The following C5orf34 variants were observed in gnomAD, a reference collection of about 807,000 sequenced individuals.
C5orf34 encodes the protein uncharacterized protein C5orf34.
A neutral mutation model predicts 78.4 loss-of-function variants in C5orf34; 73 were observed. The observed-to-expected ratio is 0.93, with a 90% CI of 0.77 to 1.13. C5orf34 has a LOEUF of 1.13. Among genes scored for constraint, C5orf34 ranks in the 50% most tolerant of loss-of-function variants. The pLI, the probability that C5orf34 is intolerant of heterozygous loss-of-function variation, is 0.00. For missense variants in C5orf34, 730 were observed against 732.7 expected (o/e 1.00, Z 0.04); for synonymous variants, 251 against 246.6 (o/e 1.02, Z -0.17).
chr5:43,509,750 TTTTTG>T (rs1259014330), intron 1 of C5orf34, among the ~76,000 whole-genome samples: 1 of 152,000 alleles, frequency 6.6e-6, no homozygotes, highest in East Asian at 1.9e-4. Context: ...ATCTAATTTC[TTTTTG>T]TTTTTTTTGT....
chr5:43,488,699 T>C (rs930132887), intron 11 of C5orf34, among the ~76,000 whole-genome samples: 1 of 152,072 alleles, frequency 6.6e-6, no homozygotes. Flanking sequence ...GGACAACTGG[T>C]ATGGAGTAGA....
chr5:43,506,355 G>A lies in C5orf34; in HGVS notation c.325C>T (p.Leu109Phe), dbSNP rs1327670398. 1.2e-6 allele frequency: 2 copies of A among 1,611,966 alleles called. No individual in the cohort carries two copies. The highest frequency in any genetic ancestry group is 8.5e-7 in the Non-Finnish European group (1 of 1,179,138). ...IDITEVRWPS[L>F]DTDGTMIYME... is the part of the protein sequence containing the mutation. ...TATATCATGGTACCATCTGTATCAA[G>A]ACTGGGCCATCTCACTTCTGTTATG... The change falls in exon 4 of 13, where the codon CTT (leucine) becomes TTT (phenylalanine). Residue 109 changes from leucine to phenylalanine, a missense_variant. Coordinates refer to ENST00000306862, the MANE Select transcript of C5orf34 (RefSeq NM_198566.4).
chr5:43,491,754 A>C (rs1745289329), intron 10 of C5orf34, among the ~76,000 whole-genome samples: 1 of 152,212 alleles, frequency 6.6e-6, no homozygotes, highest in African/African-American at 2.4e-5. Context: ...CTGTAATCTC[A>C]GCACTTTGGG....
At position 43,487,105 on chromosome 5, in the gene C5orf34, A is replaced by G; in HGVS notation, c.1727T>C (p.Leu576Pro). 6.6e-7 allele frequency: 1 copy of G among 1,507,764 alleles called. No homozygotes were observed. The highest frequency in any genetic ancestry group is 8.9e-7 in the Non-Finnish European group (1 of 1,126,926). The allele number at this position is 1,507,764 out of a possible 1,614,324, so 93.4% of individuals were successfully genotyped here. A position where few individuals can be genotyped will look rare whatever the true frequency, so the allele number is the denominator to read the frequency against. Residue 576 changes from leucine (L) to proline (P), a missense_variant, in exon 13 of 13, where the codon CTA becomes CCA. Physicochemically the swap from Leu to Pro is moderately conservative, Grantham distance 98. Transcript: ENST00000306862. The part of the protein sequence containing the change: ...LEKIQKFNLL[L>P]ENSGILNQIS... ...CTGGTTTAGGATACCACTATTTTCT[A>G]GTAGCACTAAGTTGCTTAGTTAAGG...
At position 43,509,532 on chromosome 5, in the gene C5orf34, C is replaced by T. The variant is rs147639715; in HGVS notation, c.-36-157G>A. On this transcript the variant is annotated intron_variant, in intron 1 of 12. Coordinates refer to ENST00000306862, the MANE Select transcript of C5orf34 (RefSeq NM_198566.4). ...CACTGGATAAATCTGAAATGAACAT[C>T]CTTAACAAAATGCCTTAATTAACCC... 6.2e-3 allele frequency among the ~76,000 whole-genome samples: 939 copies of T among 152,274 alleles called. 7 individuals carry two copies. The highest frequency in any genetic ancestry group is 0.011 in the Admixed American group (166 of 15,290).
At position 43,492,696 on chromosome 5, in the gene C5orf34, G is replaced by T. The variant is rs145605810; in HGVS notation, c.1485+24C>A. The T allele has an allele frequency of 8.9e-4, 1,407 of 1,582,456 alleles. 12 individuals carry two copies. The African/African-American group carries it at 0.016, about 18-fold the overall frequency. ...TTCCACAGATTACCAATAAAAAATAGATCTAAGTCTGAAGTATACCCACCT... is the reference window on the plus strand; with the variant it reads ...TTCCACAGATTACCAATAAAAAATATATCTAAGTCTGAAGTATACCCACCT... On this transcript the variant is annotated intron_variant, in intron 9 of 12. Transcript: ENST00000306862.
Position 43,490,700 on chromosome 5 carries a change from C to A in C5orf34, c.1610G>T (p.Arg537Met). Residue 537 changes from arginine (R) to methionine (M), a missense_variant, in exon 11 of 13, where the codon AGG becomes ATG. By Grantham distance (91) the Arg-to-Met change is moderately conservative (BLOSUM62 -1). Transcript: ENST00000306862. ...RYVTTVTSWC[R>M]RLTQTSPREM... ...TCTGGGACTAGTCTGGGTCAGTCTC[C>A]TGCACCATGATGTTACTGTTGTCAC... 6.2e-7 allele frequency: 1 copy of A among 1,607,672 alleles called. No individual in the cohort carries two copies. Among genetic ancestry groups the A allele is most frequent in the Non-Finnish European group, 8.5e-7 (1 of 1,174,766 alleles).
At chr5:43,511,701 T>C (rs1379665517) in intron 1 of C5orf34, among the ~76,000 whole-genome samples, 1 of 152,190 alleles carries the variant, frequency 6.6e-6, no homozygotes, top group Non-Finnish European at 1.5e-5. Context: ...TACTTCTGCC[T>C]TGGGATGCTG....
At chr5:43,502,862 T>C (rs979891671) in intron 5 of C5orf34, among the ~76,000 whole-genome samples, 3 of 152,054 alleles carry the variant, frequency 2.0e-5, no homozygotes, top group East Asian at 1.9e-4. Context: ...AACCTGAAAA[T>C]AGATTAATGA....
chr5:43,508,032 C>G (rs1302660869), intron 3 of C5orf34, among the ~76,000 whole-genome samples: 1 of 143,288 alleles, frequency 7.0e-6, no homozygotes, highest in South Asian at 2.2e-4. Context: ...GAGCCGAGAT[C>G]GTGCCACTGC....
chr5:43,495,858 T>C, intron 6 of C5orf34: 2 of 1,594,070 alleles, frequency 1.3e-6, no homozygotes, highest in Non-Finnish European at 1.7e-6. Flanking sequence ...GGCTCCAGCA[T>C]GTTGTCACCA....
chr5:43,499,665 A>G (rs992994148), intron 6 of C5orf34, among the ~76,000 whole-genome samples: 11 of 152,130 alleles, frequency 7.2e-5, no homozygotes, highest in African/African-American at 2.7e-4. Flanking sequence ...AGAAAGTACT[A>G]TATAGGTATG....
At chr5:43,508,472 A>T (rs1746085921) in intron 3 of C5orf34, 105 bp downstream of exon 3, 1 of 666,844 alleles carries the variant, frequency 1.5e-6, no homozygotes, top group Non-Finnish European at 2.7e-6. Context: ...ATAGCAATGT[A>T]TCCCCAGGTG....
At chr5:43,502,728 C>A (rs941906585) in intron 5 of C5orf34, among the ~76,000 whole-genome samples, 2 of 152,224 alleles carry the variant, frequency 1.3e-5, no homozygotes, top group Admixed American at 1.3e-4. Flanking sequence ...AAACTAAGAA[C>A]TTCTGGAATT....
At position 43,487,083 on chromosome 5, in the gene C5orf34, GT is replaced by G; in HGVS notation, c.1748del (p.Asn583ThrfsTer25). 1 of 1,548,070 alleles carries G rather than the reference GT, an allele frequency of 6.5e-7. No homozygotes were observed. The highest frequency in any genetic ancestry group is 2.4e-5 in the East Asian group (1 of 41,772). On this transcript the variant is annotated frameshift_variant, in exon 13 of 13. Transcript: ENST00000306862. LOFTEE classifies it high-confidence loss of function. ...NLLLENSGIL[N>X]QISNKKNEQQ... ...GTTCATTTTTCTTGTTAGAAATCTG[GT>G]TTAGGATACCACTATTTTCTAGTAG...
intron 1 of C5orf34, chr5:43,514,074 G>A (rs1438404086): frequency 6.6e-6 from 1 of 152,166 alleles, no homozygotes; most frequent in African/African-American, 2.4e-5. Flanking sequence ...AATTAATGGT[G>A]TCTCATTGTT....
chr5:43,491,918 C>T lies in C5orf34; in HGVS notation c.1580+297G>A, dbSNP rs569116725. Among the ~76,000 whole-genome samples the T allele has an allele frequency of 8.7e-4, 131 of 150,946 alleles. No homozygotes were observed. The South Asian group carries it at 0.011, about 13-fold the overall frequency. On this transcript the variant is annotated intron_variant, in intron 10 of 12. Transcript: ENST00000306862. ...ACTCAGGAGGCTGAGGCAGGAGAATCGCTTGAACCCAGGAGGCGGAGGTTG... is the reference window on the plus strand; with the variant it reads ...ACTCAGGAGGCTGAGGCAGGAGAATTGCTTGAACCCAGGAGGCGGAGGTTG...
At chr5:43,500,244 A>G (rs1407647810) in intron 6 of C5orf34, among the ~76,000 whole-genome samples, 3 of 152,182 alleles carry the variant, frequency 2.0e-5, no homozygotes, top group African/African-American at 7.2e-5. Flanking sequence ...TTTTTAATTT[A>G]CATTATCTTT....
intron 3 of C5orf34, 135 bp from the exon 4 acceptor site, chr5:43,506,529 T>C: frequency 1.3e-6 from 1 of 798,236 alleles, no homozygotes; most frequent in Non-Finnish European, 1.8e-6. Context: ...AATGAAAAAA[T>C]GGAGGGCCAG....
Sources: allele counts gnomAD v4.1 joint callset (sites outside exome capture counted in the v4.1 genomes callset), GRCh38; gene constraint gnomAD v4.1.1; transcripts MANE v1.5; gene names NCBI Gene and HGNC (gene_info 2026-07-23, HGNC 2026-07-21).